The following PCDH15 variants were observed in gnomAD, a reference collection of about 807,000 sequenced individuals.
PCDH15 encodes the protein protocadherin related 15.
PCDH15 carries 129 observed loss-of-function variants against 178.5 expected under a neutral mutation model. The observed-to-expected ratio is 0.72, with a 90% CI of 0.63 to 0.84. The LOEUF (loss-of-function observed/expected upper bound fraction) is 0.84. PCDH15 is among the 40% of genes least tolerant of loss of function. The probability of loss-of-function intolerance (pLI) is 0.00; values close to 1 mark genes in which losing one functional copy is unlikely to be tolerated. For synonymous variants in PCDH15, 800 were observed against 732.0 expected (o/e 1.09, Z -1.50); for missense variants, 2,230 against 2,099.9 (o/e 1.06, Z -1.21).
At chr10:54,045,303 C>T (rs1055943682) in intron 18 of PCDH15, among the ~76,000 whole-genome samples, 3 of 152,012 alleles carry the variant, frequency 2.0e-5, no homozygotes, top group East Asian at 1.9e-4. Flanking sequence ...TTCTGAAGAC[C>T]GGGGTGATGT....
At chr10:53,979,650 C>T (rs2090464030) in intron 21 of PCDH15, among the ~76,000 whole-genome samples, 2 of 152,160 alleles carry the variant, frequency 1.3e-5, no homozygotes, top group Non-Finnish European at 2.9e-5. Flanking sequence ...TCATGGGCCT[C>T]ACAATTGGAC....
chr10:54,426,316 G>T (rs1953059), intron 3 of PCDH15, among the ~76,000 whole-genome samples: 4 of 151,896 alleles, frequency 2.6e-5, no homozygotes, highest in Non-Finnish European at 5.9e-5. Flanking sequence ...GGAAGGTTTC[G>T]GGATGAAACT....
chr10:54,835,193 G>C (rs1169955970), intron 3 of PCDH15, among the ~76,000 whole-genome samples: 1 of 152,170 alleles, frequency 6.6e-6, no homozygotes, highest in Non-Finnish European at 1.5e-5. Flanking sequence ...AACACCATCA[G>C]TAGACTTCAG....
At position 53,903,323 on chromosome 10, in the gene PCDH15, G is replaced by C. The variant is rs764487129; in HGVS notation, c.3421C>G (p.Pro1141Ala). ...TAGAATTTTTTCTGAAACACTGGGG[G>C]ATGATTATTTTCATCCTGAATCTCA... Reference protein sequence around the residue: ...YIEIQDENNHPPVFQKKFYIG... With the variant: ...YIEIQDENNHAPVFQKKFYIG... The change falls in exon 26 of 38, where the codon CCC becomes GCC. Residue 1141 changes from proline (P) to alanine (A), a missense_variant. Coordinates refer to ENST00000644397, the MANE Select transcript of PCDH15 (RefSeq NM_001384140.1). The C allele has an allele frequency of 1.2e-6, 2 of 1,613,036 alleles. No individual in the cohort carries two copies. The highest frequency in any genetic ancestry group is 2.2e-5 in the South Asian group (2 of 91,058).
rs761375285 is a variant in PCDH15 at position 54,022,911 on chromosome 10, G to C, written c.2507C>G (p.Thr836Ser). The C allele has an allele frequency of 1.9e-6, 3 of 1,613,846 alleles. No individual in the cohort carries two copies. In the East Asian group the frequency reaches 6.7e-5, roughly 36 times the overall value. The change falls in exon 19 of 38, where the codon ACT becomes AGT. Residue 836 changes from threonine (T) to serine (S), a missense_variant. Transcript: ENST00000644397. ...VLVEENLPAG[T>S]TILQIEAKDV... is the part of the protein sequence containing the mutation. ...ACACACCTCTATTTGAAGGATGGTA[G>C]TCCCAGCTGGCAAATTCTCTTCAAC...
intron 18 of PCDH15, among the ~76,000 whole-genome samples, chr10:54,041,549 T>C (rs573622506): frequency 6.6e-6 from 1 of 152,102 alleles, no homozygotes; most frequent in Admixed American, 6.6e-5. Context: ...AAAGTAAATA[T>C]GCATTGCATA....
chr10:54,729,815 A>G (rs982851830), intron 1 of PCDH15, among the ~76,000 whole-genome samples: 2 of 151,362 alleles, frequency 1.3e-5, no homozygotes, highest in African/African-American at 4.8e-5. Context: ...CTCATCATCA[A>G]TAATAAGAGA....
intron 2 of PCDH15, among the ~76,000 whole-genome samples, chr10:55,127,255 A>G (rs1383185008): frequency 5.9e-5 from 9 of 152,084 alleles, no homozygotes; most frequent in African/African-American, 2.2e-4. Context: ...TTATTTAATC[A>G]TGGCTCAGAT....
chr10:54,574,188 G>A, intron 2 of PCDH15, among the ~76,000 whole-genome samples: 1 of 151,230 alleles, frequency 6.6e-6, no homozygotes, highest in East Asian at 1.9e-4. Context: ...AATCCATCTT[G>A]AATTAATTTT....
intron 3 of PCDH15, among the ~76,000 whole-genome samples, chr10:54,433,127 T>C (rs1286793489): frequency 6.6e-6 from 1 of 152,150 alleles, no homozygotes; most frequent in African/African-American, 2.4e-5. Context: ...GGTGGGAATG[T>C]AAATTAGTAC....
chr10:53,808,698 T>A (rs2132366699), intron 37 of PCDH15: 1 of 1,612,270 alleles, frequency 6.2e-7, no homozygotes, highest in African/African-American at 1.3e-5. Flanking sequence ...TCTTTCAAAG[T>A]GCTGTGTTGT....
At chr10:54,298,102 C>T (rs1042260111) in intron 8 of PCDH15, among the ~76,000 whole-genome samples, 3 of 152,008 alleles carry the variant, frequency 2.0e-5, no homozygotes, top group African/African-American at 7.3e-5. Flanking sequence ...AGGAAAAAGC[C>T]CATGAATTAT....
chr10:54,739,896 A>T (rs1407907727), intron 1 of PCDH15, among the ~76,000 whole-genome samples: 2 of 152,098 alleles, frequency 1.3e-5, no homozygotes, highest in African/African-American at 4.8e-5. Flanking sequence ...AATGGATTGC[A>T]TACTTAAACG....
At chr10:55,599,882 A>C in intron 2 of PCDH15, 2 of 1,482,878 alleles carry the variant, frequency 1.3e-6, no homozygotes, top group Non-Finnish European at 1.8e-6. Context: ...CTTGTTCCCT[A>C]AGTAGGGACT....
chr10:54,554,168 C>T (rs2086912834), intron 2 of PCDH15, among the ~76,000 whole-genome samples: 1 of 152,124 alleles, frequency 6.6e-6, no homozygotes, highest in Non-Finnish European at 1.5e-5. Context: ...TTTGTTTACT[C>T]AATACCCTTT....
At chr10:54,525,393 T>A (rs2083273737) in intron 3 of PCDH15, among the ~76,000 whole-genome samples, 1 of 152,204 alleles carries the variant, frequency 6.6e-6, no homozygotes, top group African/African-American at 2.4e-5. Context: ...TACTACCAAT[T>A]AAAAGATACT....
intron 2 of PCDH15, among the ~76,000 whole-genome samples, chr10:55,328,021 T>C (rs1342853844): frequency 1.3e-5 from 2 of 152,024 alleles, no homozygotes; most frequent in Non-Finnish European, 2.9e-5. Flanking sequence ...TACAATAACA[T>C]ACAACTTTTT....
At chr10:54,163,863 T>C (rs2045951920) in intron 13 of PCDH15, among the ~76,000 whole-genome samples, 1 of 152,156 alleles carries the variant, frequency 6.6e-6, no homozygotes, top group African/African-American at 2.4e-5. Flanking sequence ...TTGGCTATAC[T>C]AGAAGATCAA....
intron 1 of PCDH15, among the ~76,000 whole-genome samples, chr10:54,733,141 A>C (rs11004517): frequency 0.5 from 75,208 of 151,248 alleles, 19,386 homozygotes; most frequent in Middle Eastern, 0.66. Flanking sequence ...ACAGTAAAAT[A>C]AGACAAAGAA....
Sources: allele counts gnomAD v4.1 joint callset (sites outside exome capture counted in the v4.1 genomes callset), GRCh38; gene constraint gnomAD v4.1.1; transcripts MANE v1.5; gene names NCBI Gene and HGNC (gene_info 2026-07-23, HGNC 2026-07-21).